NAV3: variants seen among roughly 807,000 people sequenced by gnomAD.
NAV3 encodes neuron navigator 3, also known as pore membrane and/or filament interacting like protein 1.
A neutral mutation model predicts 244.7 loss-of-function variants in NAV3; 87 were observed. The observed-to-expected ratio is 0.36, with a 90% CI of 0.30 to 0.42. NAV3 has a LOEUF of 0.42. Among genes scored for constraint, NAV3 ranks in the 20% least tolerant of loss-of-function variants. The pLI is 1.00. For missense variants in NAV3, 2,663 were observed against 2,893.3 expected (o/e 0.92, Z 1.83); for synonymous variants, 1,126 against 1,042.2 (o/e 1.08, Z -1.55).
At chr12:77,597,409 A>T (rs537335581) in intron 2 of NAV3, among the ~76,000 whole-genome samples, 2 of 152,192 alleles carry the variant, frequency 1.3e-5, no homozygotes, top group East Asian at 3.9e-4. Flanking sequence ...TACTCAATAA[A>T]TATTCAAACT....
At chr12:78,021,711 ACTG>A in intron 8 of NAV3, 33 bp from the exon 9 acceptor site, 1 of 1,412,620 alleles carries the variant, frequency 7.1e-7, no homozygotes, top group Non-Finnish European at 1.0e-6. Context: ...AGTGACTATA[ACTG>A]CTATTTCTTT....
chr12:77,629,215 A>G (rs1871777394), intron 2 of NAV3, among the ~76,000 whole-genome samples: 3 of 152,242 alleles, frequency 2.0e-5, no homozygotes, highest in Admixed American at 2.0e-4. Context: ...TTTACAGTGT[A>G]GTAACAAGAT....
At chr12:77,605,275 A>G (rs890421779) in intron 2 of NAV3, among the ~76,000 whole-genome samples, 14 of 152,138 alleles carry the variant, frequency 9.2e-5, no homozygotes, top group Non-Finnish European at 1.9e-4. Context: ...CCCACAAAGT[A>G]TTATAGGTAT....
At position 77,637,285 on chromosome 12, in the gene NAV3, G is replaced by T. The variant is rs11106073; in HGVS notation, c.72+65019G>T. On this transcript the variant is annotated intron_variant, in intron 2 of 8. Coordinates refer to the NAV3 transcript ENST00000550042. The stretch of plus-strand genomic sequence containing the variant: ...CATAGAATTTGCAAACCATCACTGA[G>T]GTGTAAAAATTATTTATGAAACTTT... Among the ~76,000 whole-genome samples the T allele has an allele frequency of 7.0e-3, 1,065 of 151,934 alleles. 10 individuals carry two copies. The highest frequency in any genetic ancestry group is 0.024 in the African/African-American group (1,008 of 41,432).
intron 8 of NAV3, among the ~76,000 whole-genome samples, chr12:78,016,673 T>A (rs1876270758): frequency 6.6e-6 from 1 of 152,168 alleles, no homozygotes; most frequent in Non-Finnish European, 1.5e-5. Flanking sequence ...ACAATACCAT[T>A]AGTTAATGTT....
intron 12 of NAV3, among the ~76,000 whole-genome samples, chr12:78,103,549 G>A (rs900746158): frequency 2.0e-5 from 3 of 152,062 alleles, no homozygotes; most frequent in Admixed American, 6.6e-5. Flanking sequence ...CCGCTCTACT[G>A]GTACCAACTT....
At position 78,075,497 on chromosome 12, in the gene NAV3, T is replaced by C. The variant is rs561908134; in HGVS notation, c.2636+16382T>C. On this transcript the variant is annotated intron_variant, in intron 12 of 39. Transcript: ENST00000397909. Reference sequence around the variant, plus strand: ...TGGATGTGGCTGAATAGAACAGTATTTGGTTACCTTTATCTCCTGGCCTGG... The same window carrying C: ...TGGATGTGGCTGAATAGAACAGTATCTGGTTACCTTTATCTCCTGGCCTGG... Among the ~76,000 whole-genome samples the C allele has an allele frequency of 3.3e-5, 5 of 152,242 alleles. No homozygotes were observed. In the South Asian group the frequency reaches 8.3e-4, roughly 25 times the overall value.
At chr12:78,091,883 A>G (rs1953962474) in intron 12 of NAV3, 1 of 152,142 alleles carries the variant, frequency 6.6e-6, no homozygotes. Flanking sequence ...AAACAAAGAC[A>G]GAATATACAG....
intron 7 of NAV3, among the ~76,000 whole-genome samples, chr12:78,005,857 A>G (rs933518349): frequency 1.6e-4 from 25 of 152,178 alleles, no homozygotes; most frequent in Middle Eastern, 3.2e-3. Flanking sequence ...GCATAATTAT[A>G]TTTGTAATAA....
At chr12:77,841,388 A>T (rs1034987253) in intron 1 of NAV3, among the ~76,000 whole-genome samples, 1 of 152,232 alleles carries the variant, frequency 6.6e-6, no homozygotes, top group Non-Finnish European at 1.5e-5. Context: ...AAAATTTTTC[A>T]TAATGAAATG....
intron 2 of NAV3, among the ~76,000 whole-genome samples, chr12:77,581,956 A>G (rs1377887697): frequency 6.6e-6 from 1 of 152,196 alleles, no homozygotes; most frequent in Non-Finnish European, 1.5e-5. Flanking sequence ...GCTTCTAGGT[A>G]ATATGTGAAT....
chr12:78,188,136 A>C, intron 31 of NAV3, 112 bp from the exon 32 acceptor site: 1 of 763,570 alleles, frequency 1.3e-6, no homozygotes. Context: ...CCACAGGTTT[A>C]ACAAATAGTT....
chr12:78,184,961 A>T (rs1206968663), intron 30 of NAV3, among the ~76,000 whole-genome samples: 1 of 151,842 alleles, frequency 6.6e-6, no homozygotes, highest in Non-Finnish European at 1.5e-5. Context: ...TTTTAAAGGT[A>T]GCTAACTTTA....
intron 1 of NAV3, among the ~76,000 whole-genome samples, chr12:77,866,879 C>T (rs1196140214): frequency 6.6e-6 from 1 of 152,156 alleles, no homozygotes; most frequent in Non-Finnish European, 1.5e-5. Context: ...CTCAAATATA[C>T]TTACATATAC....
chr12:77,884,900 C>T (rs981936091), intron 1 of NAV3, among the ~76,000 whole-genome samples: 1 of 152,078 alleles, frequency 6.6e-6, no homozygotes, highest in African/African-American at 2.4e-5. Context: ...GAAAGATTGA[C>T]AATTCCAAAT....
intron 1 of NAV3, among the ~76,000 whole-genome samples, chr12:77,932,479 C>G (rs1373204050): frequency 1.3e-5 from 2 of 152,174 alleles, no homozygotes; most frequent in African/African-American, 4.8e-5. Context: ...ATTCTTTCAT[C>G]TGCCTTCCAC....
chr12:78,172,219 T>C (rs897098875), intron 24 of NAV3, among the ~76,000 whole-genome samples: 29 of 151,688 alleles, frequency 1.9e-4, no homozygotes, highest in African/African-American at 7.0e-4. Flanking sequence ...CCTTAAGATA[T>C]ACCAAATATA....
intron 12 of NAV3, among the ~76,000 whole-genome samples, chr12:78,059,997 T>C (rs1884099516): frequency 6.6e-6 from 1 of 151,348 alleles, no homozygotes; most frequent in African/African-American, 2.4e-5. Context: ...GTGTGTGTGA[T>C]GAACTAATTA....
At chr12:77,672,929 C>G (rs1456186251) in intron 2 of NAV3, among the ~76,000 whole-genome samples, 1 of 152,072 alleles carries the variant, frequency 6.6e-6, no homozygotes, top group Non-Finnish European at 1.5e-5. Context: ...AGGAAAATAA[C>G]AACTAAGGGC....
Sources: gnomAD v4.1 joint callset for allele counts (sites outside exome capture counted in the v4.1 genomes callset) on GRCh38, gnomAD v4.1.1 for gene constraint, MANE v1.5 for transcripts, NCBI Gene and HGNC (gene_info 2026-07-23, HGNC 2026-07-21) for gene names.